Variants in HERC3 observed in about 807,000 individuals in gnomAD.
The protein encoded by HERC3 is HECT and RLD domain containing E3 ubiquitin protein ligase 3, also known as probable E3 ubiquitin-protein ligase HERC3.
In HERC3, 58 loss-of-function variants were observed where a neutral mutation model predicts 129.9. The observed-to-expected ratio is 0.45, with a 90% confidence interval of 0.36 to 0.56. HERC3 has a LOEUF of 0.56. Among genes scored for constraint, HERC3 ranks in the 20% least tolerant of loss-of-function variants. HERC3 has a pLI of 0.00. For missense variants in HERC3, 835 were observed against 1,244.2 expected (o/e 0.67, Z 4.95); for synonymous variants, 430 against 451.0 (o/e 0.95, Z 0.59).
intron 3 of HERC3, among the ~76,000 whole-genome samples, chr4:88,626,880 T>A (rs1726157909): frequency 6.6e-6 from 1 of 152,076 alleles, no homozygotes; most frequent in East Asian, 1.9e-4. Context: ...TTCTTTTTGT[T>A]TGTTTTGTTT....
chr4:88,629,027 G>A (rs933625296), intron 3 of HERC3, among the ~76,000 whole-genome samples: 1 of 152,160 alleles, frequency 6.6e-6, no homozygotes, highest in Non-Finnish European at 1.5e-5. Flanking sequence ...ATGAAAATTA[G>A]CCACATGGTG....
At chr4:88,563,659 CTT>C in the HERC3 span, among the ~76,000 whole-genome samples, 8,769 of 138,162 alleles carry the variant, frequency 0.063, 368 homozygotes, top group Middle Eastern at 0.15. Context: ...ATGTTCCTTC[CTT>C]TTTTTTTTTT....
At chr4:88,550,211 G>A in the HERC3 span, among the ~76,000 whole-genome samples, 28 of 152,132 alleles carry the variant, frequency 1.8e-4, no homozygotes, top group Non-Finnish European at 2.8e-4. Flanking sequence ...TAAAAGTCTC[G>A]TTTTCCTGGC....
intron 3 of HERC3, among the ~76,000 whole-genome samples, chr4:88,622,185 C>G (rs1725593591): frequency 6.6e-6 from 1 of 152,194 alleles, no homozygotes; most frequent in Non-Finnish European, 1.5e-5. Flanking sequence ...AATCTACTTT[C>G]TGTTTCTATA....
chr4:88,706,638 G>A lies in HERC3; in HGVS notation c.2945-114G>A, dbSNP rs1478133875. 5 of 749,558 alleles carry A rather than the reference G, an allele frequency of 6.7e-6. No individual in the cohort carries two copies. The South Asian group carries it at 8.5e-5, about 13-fold the overall frequency. 46.4% of individuals were successfully genotyped at this position (749,558 alleles called of 1,614,324 possible). A position where few individuals can be genotyped will look rare whatever the true frequency, so the allele number is the denominator to read the frequency against. ...TGCATATTGGCACATAAATGTAATT[G>A]TACTTCTCATGCAAGCCACAGGGTG... On this transcript the variant is annotated intron_variant, in intron 25 of 25. Transcript: ENST00000402738.
At chr4:88,607,117 C>T (rs1723741158) in intron 3 of HERC3, among the ~76,000 whole-genome samples, 1 of 151,822 alleles carries the variant, frequency 6.6e-6, no homozygotes, top group Non-Finnish European at 1.5e-5. Context: ...AAGAGTACAC[C>T]AGAGGTGTAG....
chr4:88,701,216 A>G lies in HERC3; in HGVS notation c.2658-2882A>G, dbSNP rs542847308. On this transcript the variant is annotated intron_variant, in intron 23 of 25. Transcript: ENST00000402738. ...GAAACTTTCAGCATCAATGATTAAC[A>G]TGCACAATAATCTTTTTACATTAGT... Among the ~76,000 whole-genome samples, 7 of 152,338 alleles carry G rather than the reference A, an allele frequency of 4.6e-5. No homozygotes were observed. In the East Asian group the frequency reaches 1.3e-3, roughly 29 times the overall value.
At chr4:88,664,101 C>A in intron 11 of HERC3, 52 bp from the exon 12 acceptor site, 3 of 1,458,762 alleles carry the variant, frequency 2.1e-6, no homozygotes, top group South Asian at 1.2e-5. Flanking sequence ...CTTAAATAAC[C>A]ATTTATTTGT....
the HERC3 span, among the ~76,000 whole-genome samples, chr4:88,556,864 A>G: frequency 6.6e-6 from 1 of 151,604 alleles, no homozygotes; most frequent in Non-Finnish European, 1.5e-5. Context: ...AGGCTGGTCT[A>G]GAAATCCTGT....
rs1463895081 is a variant in HERC3, at chr4:88,662,461, A to G, written c.1177A>G (p.Met393Val). 2 of 1,612,998 alleles carry G rather than the reference A, an allele frequency of 1.2e-6. No individual in the cohort carries two copies. Among genetic ancestry groups the G allele is most frequent in the Admixed American group, 1.7e-5 (1 of 59,848 alleles). The change falls in exon 11 of 26, where the codon ATG (methionine) becomes GTG (valine). Residue 393 changes from methionine to valine, a missense_variant. Met to Val is a conservative substitution (Grantham distance 21). Transcript: ENST00000402738. ...TTCTCCTGCTGTTGACTTCAGGACT[A>G]TGAACCAAGCACATTATACCAGTTT... Reference protein sequence around the residue: ...NYSPAVDFRTMNQAHYTSLIN... With the variant: ...NYSPAVDFRTVNQAHYTSLIN...
intron 3 of HERC3, among the ~76,000 whole-genome samples, chr4:88,610,445 C>T (rs1266577987): frequency 7.9e-6 from 1 of 126,514 alleles, no homozygotes; most frequent in Non-Finnish European, 1.7e-5. Flanking sequence ...CAGAGCGAGA[C>T]TCCGTCTCAA....
the HERC3 span, among the ~76,000 whole-genome samples, chr4:88,570,106 G>T: frequency 6.6e-6 from 1 of 152,168 alleles, no homozygotes; most frequent in African/African-American, 2.4e-5. Flanking sequence ...AACCATGATG[G>T]CTTGTTTCAT....
intron 23 of HERC3, chr4:88,690,392 G>C: frequency 1.0e-6 from 1 of 985,224 alleles, no homozygotes; most frequent in South Asian, 4.7e-5. Context: ...TTGTAGATGC[G>C]TGTGAGTACG....
the HERC3 span, among the ~76,000 whole-genome samples, chr4:88,549,300 T>A: frequency 2.9e-4 from 44 of 149,982 alleles, no homozygotes; most frequent in Admixed American, 2.9e-3. Flanking sequence ...TTAGGTTTTT[T>A]ACTTAACAGT....
At chr4:88,699,932 C>G (rs1239125114) in intron 23 of HERC3, among the ~76,000 whole-genome samples, 1 of 152,134 alleles carries the variant, frequency 6.6e-6, no homozygotes, top group Non-Finnish European at 1.5e-5. Flanking sequence ...CTGTAGTAAT[C>G]AAGATATAGA....
intron 21 of HERC3, among the ~76,000 whole-genome samples, chr4:88,683,840 C>T (rs1335438703): frequency 1.3e-5 from 2 of 152,158 alleles, no homozygotes; most frequent in African/African-American, 4.8e-5. Flanking sequence ...TGGTCCAGGA[C>T]GGCTTTGAAT....
intron 3 of HERC3, among the ~76,000 whole-genome samples, chr4:88,617,764 G>A (rs1222413678): frequency 3.3e-5 from 5 of 149,424 alleles, no homozygotes; most frequent in Non-Finnish European, 4.4e-5. Context: ...CCAGCTACTC[G>A]GGAGGCTGAG....
chr4:88,675,380 G>A (rs1732050239), intron 16 of HERC3, among the ~76,000 whole-genome samples: 1 of 152,106 alleles, frequency 6.6e-6, no homozygotes, highest in Non-Finnish European at 1.5e-5. Flanking sequence ...GTAACTTAAT[G>A]TGTTTTACTA....
chr4:88,534,407 AG>A, the HERC3 span, among the ~76,000 whole-genome samples: 2 of 152,220 alleles, frequency 1.3e-5, no homozygotes, highest in Admixed American at 1.3e-4. Flanking sequence ...AACAGTGACC[AG>A]GCTGAGGAAT....
Sources: allele counts gnomAD v4.1 joint callset (sites outside exome capture counted in the v4.1 genomes callset), GRCh38; gene constraint gnomAD v4.1.1; transcripts MANE v1.5; gene names NCBI Gene and HGNC (gene_info 2026-07-23, HGNC 2026-07-21).